Variants in CD226 observed in about 807,000 individuals in gnomAD.
The protein encoded by CD226 is CD226 antigen.
CD226 carries 24 observed loss-of-function variants against 34.9 expected under a neutral mutation model. That is an observed-to-expected ratio of 0.69 (90% CI 0.50 to 0.97). The LOEUF is 0.97. Ranked by LOEUF, CD226 falls within the 50% of genes least tolerant of loss-of-function variation. CD226 has a pLI of 0.00. For synonymous variants in CD226, 148 were observed against 147.4 expected, an observed-to-expected ratio of 1.00 and a Z score of -0.03; for missense variants, 397 against 412.7, an observed-to-expected ratio of 0.96 and a Z score of 0.33.
intron 3 of CD226, among the ~76,000 whole-genome samples, chr18:69,874,754 T>G (rs1396937338): frequency 6.6e-6 from 1 of 151,756 alleles, no homozygotes; most frequent in African/African-American, 2.4e-5. Context: ...AAAGAGAAAC[T>G]AAGACAAATA....
In CD226 at chr18:69,900,697, AGT is replaced by A. The variant is rs1175152033; in HGVS notation, c.383-4654_383-4653del. Among the ~76,000 whole-genome samples the A allele has an allele frequency of 9.5e-5, 14 of 147,084 alleles. 1 individual carries two copies. Among genetic ancestry groups the A allele is most frequent in the South Asian group, 2.2e-4 (1 of 4,590 alleles). On this transcript the variant is annotated intron_variant, in intron 2 of 5. Coordinates refer to ENST00000582621, the MANE Select transcript of CD226 (RefSeq NM_001303618.2). The stretch of plus-strand genomic sequence containing the variant: ...CAGTGAGCCGAGATTGCGCCACTGC[AGT>A]CCGCAGTCCGGCCTGGGCGACAGAG...
rs1242013430 is a variant in CD226 at position 69,861,979 on chromosome 18, T to C, written c.*2335A>G. 4 of 151,990 alleles carry C rather than the reference T, an allele frequency of 2.6e-5. No individual in the cohort carries two copies. The highest frequency in any genetic ancestry group is 7.2e-5 in the African/African-American group (3 of 41,384). 9.4% of individuals were successfully genotyped at this position (151,990 alleles called of 1,614,324 possible). ...CTACACTCTGTAGAGGAAGAATATA[T>C]AGAGAAGAAAGGACAGAGTAAATAG... On this transcript the variant is annotated 3_prime_UTR_variant, in exon 6 of 6. Coordinates refer to ENST00000582621, the MANE Select transcript of CD226 (RefSeq NM_001303618.2).
intron 2 of CD226, among the ~76,000 whole-genome samples, chr18:69,899,338 C>CA (rs1985475538): frequency 6.6e-6 from 1 of 152,192 alleles, no homozygotes; most frequent in African/African-American, 2.4e-5. Flanking sequence ...ATCCTTCACC[C>CA]ACTTCACAAA....
chr18:69,920,314 T>A (rs1015123369), intron 2 of CD226, among the ~76,000 whole-genome samples: 3 of 152,236 alleles, frequency 2.0e-5, no homozygotes, highest in Non-Finnish European at 2.9e-5. Context: ...ACTAGAGGTC[T>A]CTTTGTTCTT....
intron 3 of CD226, among the ~76,000 whole-genome samples, chr18:69,882,251 C>T (rs1330126933): frequency 6.6e-6 from 1 of 152,124 alleles, no homozygotes; most frequent in African/African-American, 2.4e-5. Flanking sequence ...ATTAGTATAT[C>T]AGGTGGGAAA....
chr18:69,921,381 G>A (rs982422515), intron 2 of CD226, among the ~76,000 whole-genome samples: 1 of 152,042 alleles, frequency 6.6e-6, no homozygotes, highest in African/African-American at 2.4e-5. Flanking sequence ...GGGAAGCTTC[G>A]CCAGCTTTGG....
intron 2 of CD226, among the ~76,000 whole-genome samples, chr18:69,916,067 T>C (rs1288067382): frequency 2.6e-5 from 4 of 151,294 alleles, no homozygotes; most frequent in East Asian, 1.9e-4. Flanking sequence ...ATAGATTCAA[T>C]TGCATTTTAC....
intron 2 of CD226, among the ~76,000 whole-genome samples, chr18:69,938,348 CTTCT>C (rs2055680954): frequency 6.6e-6 from 1 of 152,148 alleles, no homozygotes; most frequent in Non-Finnish European, 1.5e-5. Context: ...ACATGAACAC[CTTCT>C]TTAACACACT....
chr18:69,868,803 G>GCACACACA (rs56351883), intron 4 of CD226, among the ~76,000 whole-genome samples: 2,568 of 150,996 alleles, frequency 0.017, 31 homozygotes, highest in Middle Eastern at 0.031. Context: ...GCGCGTGCAC[G>GCACACACA]CACACACACA....
intron 2 of CD226, among the ~76,000 whole-genome samples, chr18:69,923,966 A>AG (rs2055488742): frequency 1.3e-5 from 2 of 152,016 alleles, no homozygotes; most frequent in Non-Finnish European, 2.9e-5. Context: ...AAAAAAAAAA[A>AG]AAAATCAATG....
chr18:69,877,803 C>T (rs1983969345), intron 3 of CD226, among the ~76,000 whole-genome samples: 1 of 152,090 alleles, frequency 6.6e-6, no homozygotes, highest in Non-Finnish European at 1.5e-5. Flanking sequence ...AAGTCCTAGA[C>T]AATTTAAAAA....
In CD226 at chr18:69,929,117, T is replaced by C. The variant is rs115037217; in HGVS notation, c.382+17617A>G. ...GGGGATTGTGGGTGACTCAGGAATA[T>C]ATTATTTACAAAAAGGTTGCTGCTA... On this transcript the variant is annotated intron_variant, in intron 2 of 5. Coordinates refer to ENST00000582621, the MANE Select transcript of CD226 (RefSeq NM_001303618.2). Among the ~76,000 whole-genome samples, 1,060 of 152,324 alleles carry C rather than the reference T, an allele frequency of 7.0e-3. 10 individuals carry two copies. Among genetic ancestry groups the C allele is most frequent in the African/African-American group, 0.024 (994 of 41,576 alleles).
At chr18:69,955,788 A>G (rs2117559) in intron 1 of CD226, among the ~76,000 whole-genome samples, 135,645 of 149,764 alleles carry the variant, frequency 0.91, 62,604 homozygotes, top group East Asian at 1. Flanking sequence ...GCGTGAACCC[A>G]GGAGGCAGAG....
At chr18:69,948,639 T>A (rs1434340382), upstream of CD226, among the ~76,000 whole-genome samples, 1 of 152,204 alleles carries the variant, frequency 6.6e-6, no homozygotes, top group East Asian at 1.9e-4. Flanking sequence ...TCACCTTGTG[T>A]TTATATGGCA....
intron 3 of CD226, among the ~76,000 whole-genome samples, chr18:69,883,565 C>G (rs1568167459): frequency 6.6e-6 from 1 of 152,156 alleles, no homozygotes; most frequent in East Asian, 1.9e-4. Context: ...GGCAAAGAAA[C>G]ATGCTATCCA....
intron 2 of CD226, among the ~76,000 whole-genome samples, chr18:69,897,903 C>T (rs1048932158): frequency 3.9e-5 from 6 of 152,134 alleles, no homozygotes; most frequent in African/African-American, 1.4e-4. Flanking sequence ...AACCACAGCA[C>T]TCCAGCTTTC....
Position 69,895,879 on chromosome 18 carries a change from A to G in CD226, c.549T>C (p.His183=). ...GGAACTTGGAGGTGAAATTTCTGCC[A>G]TGGACCAAGTTGCAGTAAGTTAAGA... ...IDLLTYCNLV[H]GRNFTSKFPR... The change falls in exon 3 of 6, where the codon CAT becomes CAC. Residue 183 remains histidine, a synonymous_variant. Coordinates refer to ENST00000582621, the MANE Select transcript of CD226 (RefSeq NM_001303618.2). The G allele has an allele frequency of 6.2e-7, 1 of 1,614,186 alleles. No homozygotes were observed. Among genetic ancestry groups the G allele is most frequent in the Non-Finnish European group, 8.5e-7 (1 of 1,180,042 alleles).
At chr18:69,938,690 T>A (rs1416246943) in intron 2 of CD226, among the ~76,000 whole-genome samples, 3 of 152,260 alleles carry the variant, frequency 2.0e-5, no homozygotes, top group African/African-American at 7.2e-5. Context: ...GAAACTTACC[T>A]CTACCTGGCC....
intron 2 of CD226, chr18:69,944,511 T>C (rs779456464): frequency 1.2e-4 from 19 of 152,262 alleles, no homozygotes; most frequent in Non-Finnish European, 2.1e-4. Flanking sequence ...CATTTAGTTC[T>C]CTACAGGTTA....
Sources: allele counts gnomAD v4.1 joint callset (sites outside exome capture counted in the v4.1 genomes callset), GRCh38; gene constraint gnomAD v4.1.1; transcripts MANE v1.5; gene names NCBI Gene and HGNC (gene_info 2026-07-23, HGNC 2026-07-21).